Variants in RSF1 observed in about 807,000 individuals in gnomAD.
RSF1 encodes the protein HBV pX-associated protein 8.
In RSF1, 13 loss-of-function variants were observed where a neutral mutation model predicts 145.2. The observed-to-expected ratio is 0.09, with a 90% confidence interval of 0.06 to 0.14. The LOEUF (loss-of-function observed/expected upper bound fraction) is 0.14, where lower values mean the gene tolerates loss of function less well. Ranked by LOEUF, RSF1 falls within the 10% of genes least tolerant of loss-of-function variation. The probability of loss-of-function intolerance (pLI) is 1.00; values close to 1 mark genes in which losing one functional copy is unlikely to be tolerated. For missense variants in RSF1, 1,517 were observed against 1,718.2 expected (o/e 0.88, Z 2.07); for synonymous variants, 577 against 592.6 (o/e 0.97, Z 0.38).
intron 4 of RSF1, among the ~76,000 whole-genome samples, chr11:77,730,075 A>G (rs1961165560): frequency 6.6e-6 from 1 of 152,128 alleles, no homozygotes; most frequent in African/African-American, 2.4e-5. Context: ...TAATTCCAAT[A>G]TAACCCAATT....
At chr11:77,806,802 G>T (rs1246537402) in intron 1 of RSF1, among the ~76,000 whole-genome samples, 1 of 151,342 alleles carries the variant, frequency 6.6e-6, no homozygotes, top group Non-Finnish European at 1.5e-5. Flanking sequence ...GGGAGGAGGG[G>T]GTGAGAATTC....
intron 11 of RSF1, among the ~76,000 whole-genome samples, chr11:77,681,102 C>A (rs1017365629): frequency 2.6e-5 from 4 of 152,098 alleles, no homozygotes; most frequent in Non-Finnish European, 4.4e-5. Flanking sequence ...AACTAAACAG[C>A]CTTGATTTAT....
intron 5 of RSF1, among the ~76,000 whole-genome samples, chr11:77,719,684 G>T (rs1473593872): frequency 6.6e-6 from 1 of 152,112 alleles, no homozygotes; most frequent in Non-Finnish European, 1.5e-5. Flanking sequence ...CCAAAAGGTG[G>T]AAAAATCCAA....
At chr11:77,715,613 A>G (rs577552513) in intron 5 of RSF1, among the ~76,000 whole-genome samples, 95 of 152,166 alleles carry the variant, frequency 6.2e-4, no homozygotes, top group African/African-American at 2.1e-3. Flanking sequence ...ACACCCAGCT[A>G]ATTTTTGTAA....
intron 9 of RSF1, among the ~76,000 whole-genome samples, chr11:77,687,905 T>A (rs1297885017): frequency 6.6e-6 from 1 of 152,236 alleles, no homozygotes; most frequent in Non-Finnish European, 1.5e-5. Context: ...TTCATCAGGC[T>A]TTTACACATA....
intron 9 of RSF1, 25 bp downstream of exon 9, chr11:77,691,134 A>G: frequency 6.2e-7 from 1 of 1,600,542 alleles, no homozygotes; most frequent in Non-Finnish European, 8.6e-7. Context: ...TCCCAAACAA[A>G]ACATTAACAC....
intron 11 of RSF1, 43 bp from the exon 12 acceptor site, chr11:77,678,196 T>C (rs1258776517): frequency 3.4e-6 from 1 of 291,688 alleles, no homozygotes; most frequent in Non-Finnish European, 4.9e-6. Context: ...GTCCTGGCTT[T>C]TTTTTTTTTT....
chr11:77,796,629 A>G (rs1352654380), intron 1 of RSF1, among the ~76,000 whole-genome samples: 1 of 152,228 alleles, frequency 6.6e-6, no homozygotes, highest in Non-Finnish European at 1.5e-5. Context: ...CACCACTCCT[A>G]TTCAACATAG....
chr11:77,678,050 G>A, intron 12 of RSF1, 36 bp downstream of exon 12: 1 of 1,530,370 alleles, frequency 6.5e-7, no homozygotes, highest in East Asian at 2.2e-5. Context: ...CTTCTTGGCA[G>A]AGTTCTATGA....
chr11:77,758,029 A>T (rs1042164907), intron 2 of RSF1, among the ~76,000 whole-genome samples: 3 of 151,502 alleles, frequency 2.0e-5, no homozygotes, highest in Non-Finnish European at 4.4e-5. Flanking sequence ...GCTACTGGGG[A>T]GGCTGAAGTA....
chr11:77,832,307 A>G, the RSF1 span, among the ~76,000 whole-genome samples: 1 of 148,994 alleles, frequency 6.7e-6, no homozygotes, highest in African/African-American at 2.5e-5. Context: ...TTTATAAAAA[A>G]TGAAACTTCA....
intron 7 of RSF1, among the ~76,000 whole-genome samples, chr11:77,696,483 C>A (rs1960280691): frequency 6.6e-6 from 1 of 152,212 alleles, no homozygotes; most frequent in African/African-American, 2.4e-5. Context: ...TCCTTAAGCA[C>A]TTGGCATAAG....
intron 1 of RSF1, among the ~76,000 whole-genome samples, chr11:77,795,258 A>G (rs976509580): frequency 3.9e-5 from 6 of 152,206 alleles, no homozygotes; most frequent in African/African-American, 1.2e-4. Flanking sequence ...CAATAAAATG[A>G]CCATACTGCT....
chr11:77,829,791 A>C, the RSF1 span: 1 of 152,200 alleles, frequency 6.6e-6, no homozygotes, highest in Non-Finnish European at 1.5e-5. Context: ...CTTTACAAAA[A>C]CATGTATCAA....
chr11:77,688,124 T>C (rs1038751598), intron 9 of RSF1, among the ~76,000 whole-genome samples: 2 of 152,120 alleles, frequency 1.3e-5, no homozygotes, highest in African/African-American at 2.4e-5. Context: ...AATCCTCGTC[T>C]CTACTAAAAA....
intron 1 of RSF1, among the ~76,000 whole-genome samples, chr11:77,811,716 A>G (rs966539694): frequency 3.3e-5 from 5 of 152,202 alleles, no homozygotes; most frequent in African/African-American, 1.2e-4. Context: ...AGCAATGAGA[A>G]CAGAAAAGCA....
At chr11:77,699,372 A>G (rs1960357849) in intron 6 of RSF1, among the ~76,000 whole-genome samples, 1 of 151,872 alleles carries the variant, frequency 6.6e-6, no homozygotes. Context: ...GTTTATTCCT[A>G]CACTATAGGT....
chr11:77,678,197 T>C, intron 11 of RSF1, 44 bp from the exon 12 acceptor site: 1 of 864,558 alleles, frequency 1.2e-6, no homozygotes, highest in Non-Finnish European at 1.7e-6. Context: ...TCCTGGCTTT[T>C]TTTTTTTTTT....
chr11:77,738,177 A>G (rs925391678), intron 4 of RSF1, among the ~76,000 whole-genome samples: 10 of 147,406 alleles, frequency 6.8e-5, no homozygotes, highest in African/African-American at 2.3e-4. Context: ...GGTGGAAATA[A>G]AAAGAGAAAA....
Sources: gnomAD v4.1 joint callset for allele counts (sites outside exome capture counted in the v4.1 genomes callset) on GRCh38, gnomAD v4.1.1 for gene constraint, MANE v1.5 for transcripts, NCBI Gene and HGNC (gene_info 2026-07-23, HGNC 2026-07-21) for gene names.